Variants in TRMO observed in about 807,000 individuals in gnomAD.
TRMO encodes the protein tRNA methyltransferase O, also known as tRNA (adenine(37)-N6)-methyltransferase.
In TRMO, 30 loss-of-function variants were observed where a neutral mutation model predicts 37.2. That is an observed-to-expected ratio of 0.81 (90% confidence interval 0.60 to 1.09). The LOEUF (loss-of-function observed/expected upper bound fraction) is 1.09, where lower values mean the gene tolerates loss of function less well. Among genes scored for constraint, TRMO ranks in the 50% least tolerant of loss-of-function variants. The probability of loss-of-function intolerance (pLI) is 0.00; values close to 1 mark genes in which losing one functional copy is unlikely to be tolerated. For missense variants in TRMO, 552 were observed against 549.5 expected, an observed-to-expected ratio of 1.00 and a Z score of -0.05; for synonymous variants, 239 against 199.4, an observed-to-expected ratio of 1.20 and a Z score of -1.67.
intron 1 of TRMO, among the ~76,000 whole-genome samples, chr9:97,918,983 C>T (rs960488805): frequency 6.6e-6 from 1 of 152,168 alleles, no homozygotes; most frequent in East Asian, 1.9e-4. Context: ...AAACTGGCAC[C>T]AAACTGTAAG....
intron 1 of TRMO, among the ~76,000 whole-genome samples, chr9:97,920,840 G>A (rs1334353299): frequency 6.6e-6 from 1 of 152,112 alleles, no homozygotes; most frequent in African/African-American, 2.4e-5. Context: ...AGAGTTTCTT[G>A]TGTTATGCTA....
At chr9:97,897,737 T>C in the TRMO span, among the ~76,000 whole-genome samples, 2 of 152,258 alleles carry the variant, frequency 1.3e-5, no homozygotes, top group Non-Finnish European at 2.9e-5. Flanking sequence ...TTTAAAAATG[T>C]TTTTTATATC....
intron 4 of TRMO, among the ~76,000 whole-genome samples, chr9:97,906,503 T>C (rs1825859478): frequency 6.6e-6 from 1 of 152,158 alleles, no homozygotes; most frequent in Non-Finnish European, 1.5e-5. Context: ...TTTAACCTCT[T>C]CTAGACTCAG....
At chr9:97,908,889 G>A (rs1440312235) in intron 4 of TRMO, among the ~76,000 whole-genome samples, 2 of 152,152 alleles carry the variant, frequency 1.3e-5, no homozygotes, top group Admixed American at 6.5e-5. Flanking sequence ...CTCTTTATAT[G>A]GTTATGCTGG....
At chr9:97,899,395 G>A in the TRMO span, among the ~76,000 whole-genome samples, 2 of 151,692 alleles carry the variant, frequency 1.3e-5, no homozygotes, top group East Asian at 1.9e-4. Flanking sequence ...ACATCATATT[G>A]CTTGGTAAAA....
At chr9:97,906,706 G>C (rs1825866845) in intron 4 of TRMO, among the ~76,000 whole-genome samples, 1 of 151,920 alleles carries the variant, frequency 6.6e-6, no homozygotes, top group African/African-American at 2.4e-5. Flanking sequence ...GCTGGGTGTG[G>C]TGGCTCACGC....
chr9:97,909,090 A>AC (rs1587832494), intron 4 of TRMO, among the ~76,000 whole-genome samples: 1 of 152,076 alleles, frequency 6.6e-6, no homozygotes, highest in East Asian at 1.9e-4. Context: ...GAGTAGCTGA[A>AC]ATTACAGGCA....
intron 4 of TRMO, among the ~76,000 whole-genome samples, chr9:97,907,823 A>G (rs1460246314): frequency 2.0e-5 from 3 of 152,138 alleles, no homozygotes; most frequent in African/African-American, 7.2e-5. Context: ...CACTCTGACC[A>G]CATGACCTCA....
At chr9:97,920,276 G>A (rs1010354904) in intron 1 of TRMO, among the ~76,000 whole-genome samples, 4 of 152,166 alleles carry the variant, frequency 2.6e-5, no homozygotes, top group African/African-American at 9.7e-5. Context: ...GCCTTTGCAG[G>A]GATAGAGATA....
chr9:97,897,636 G>T, the TRMO span, among the ~76,000 whole-genome samples: 1 of 152,052 alleles, frequency 6.6e-6, no homozygotes, highest in Non-Finnish European at 1.5e-5. Context: ...ATTTTAAATT[G>T]CATTGTAAAG....
chr9:97,922,399 CG>C lies in TRMO; in HGVS notation c.76+18del, dbSNP rs1564116317. 6.6e-7 allele frequency: 1 copy of C among 1,525,164 alleles called. No homozygotes were observed. Among genetic ancestry groups the C allele is most frequent in the Non-Finnish European group, 8.9e-7 (1 of 1,117,408 alleles). The allele number at this position is 1,525,164 out of a possible 1,614,324, so 94.5% of individuals were successfully genotyped here. ...CCTAAACCTCTCCAGAGTGTGGCAC[CG>C]CCGGTGTTGGAAGTTACCTGTCTCC... is the stretch of plus-strand genomic sequence containing the variant. On this transcript the variant is annotated intron_variant, in intron 1 of 4. Transcript: ENST00000375119.
In TRMO at chr9:97,910,180, C is replaced by A; in HGVS notation, c.846G>T (p.Glu282Asp). Residue 282 changes from glutamate to aspartate, a missense_variant, in exon 4 of 5, where the codon GAG becomes GAT. Physicochemically the swap from Glu to Asp is conservative, Grantham distance 45 (BLOSUM62 2). Coordinates refer to ENST00000375119, the MANE Select transcript of TRMO (RefSeq NM_016481.5). ...GPYCPEKSFS[E>D]KGTDKKLERV... ...TTTCTAGCTTCTTGTCTGTACCTTT[C>A]TCTGAAAAGCTCTTCTCTGGGCAAT... 2 of 1,614,208 alleles carry A rather than the reference C, an allele frequency of 1.2e-6. No individual in the cohort carries two copies. Among genetic ancestry groups the A allele is most frequent in the South Asian group, 2.2e-5 (2 of 91,088 alleles).
chr9:97,916,372 C>A, intron 1 of TRMO, 34 bp from the exon 2 acceptor site: 1 of 1,513,122 alleles, frequency 6.6e-7, no homozygotes. Context: ...AGTTATTAGT[C>A]AAAAGGTCAA....
chr9:97,909,324 G>C (rs979041620), intron 4 of TRMO, among the ~76,000 whole-genome samples: 1 of 152,130 alleles, frequency 6.6e-6, no homozygotes, highest in African/African-American at 2.4e-5. Flanking sequence ...CTAGGCTACT[G>C]CTTGGGATCT....
At chr9:97,911,677 T>A (rs767919352) in intron 3 of TRMO, 23 of 152,130 alleles carry the variant, frequency 1.5e-4, no homozygotes, top group Admixed American at 3.3e-4. Flanking sequence ...ATCTAATACA[T>A]CCATCAAGAC....
rs1826348849 is a variant in TRMO, at chr9:97,916,159, C to T, written c.251+5G>A. The T allele has an allele frequency of 6.3e-7, 1 of 1,579,030 alleles. No individual in the cohort carries two copies. Among genetic ancestry groups the T allele is most frequent in the Non-Finnish European group, 8.6e-7 (1 of 1,164,012 alleles). On this transcript the variant is annotated splice_donor_5th_base_variant and intron_variant, in intron 2 of 4. Coordinates refer to ENST00000375119, the MANE Select transcript of TRMO (RefSeq NM_016481.5). ...AATCCTACATCTAACTATAAAGCAA[C>T]TTACCAAACATGAGAAAACTGTTCT...
intron 1 of TRMO, among the ~76,000 whole-genome samples, chr9:97,918,065 T>C (rs767156942): frequency 5.2e-4 from 79 of 151,958 alleles, no homozygotes; most frequent in Admixed American, 9.8e-4. Context: ...GTAATTTCTA[T>C]AATATTTGAA....
intron 4 of TRMO, among the ~76,000 whole-genome samples, chr9:97,906,959 G>A (rs986027125): frequency 3.3e-5 from 5 of 152,142 alleles, no homozygotes; most frequent in Non-Finnish European, 5.9e-5. Context: ...GTGTCTAGAA[G>A]GCAGGACTGT....
Position 97,913,565 on chromosome 9 carries a change from A to AT in TRMO, c.252-8_252-7insA. On this transcript the variant is annotated splice_region_variant and splice_polypyrimidine_tract_variant and intron_variant, in intron 2 of 4. Transcript: ENST00000375119. ...GTGAAAAACAAACAAAATCCTATAG[A>AT]AAACAAAACAAAACAAACCACGGAA... 6.5e-7 allele frequency: 1 copy of AT among 1,533,532 alleles called. No homozygotes were observed. The highest frequency in any genetic ancestry group is 9.0e-7 in the Non-Finnish European group (1 of 1,110,978). 95.0% of individuals were successfully genotyped at this position (1,533,532 alleles called of 1,614,324 possible). A position where few individuals can be genotyped will look rare whatever the true frequency, so the allele number is the denominator to read the frequency against.
Sources: gnomAD v4.1 joint callset for allele counts (sites outside exome capture counted in the v4.1 genomes callset) on GRCh38, gnomAD v4.1.1 for gene constraint, MANE v1.5 for transcripts, NCBI Gene and HGNC (gene_info 2026-07-23, HGNC 2026-07-21) for gene names.